Variants in CDH23 observed in about 807,000 individuals in gnomAD.
The protein encoded by CDH23 is cadherin related 23.
Under a neutral mutation model 317.1 loss-of-function variants are expected in CDH23, and 189 were observed. The observed-to-expected ratio is 0.60, with a 90% CI of 0.53 to 0.67. The LOEUF (loss-of-function observed/expected upper bound fraction) is 0.67. CDH23 is among the 30% of genes least tolerant of loss of function. The pLI, the probability that CDH23 is intolerant of heterozygous loss-of-function variation, is 0.00. For missense variants in CDH23, 4,401 were observed against 4,592.4 expected, an observed-to-expected ratio of 0.96 and a Z score of 1.20; for synonymous variants, 1,839 against 1,876.8, an observed-to-expected ratio of 0.98 and a Z score of 0.52.
chr10:71,784,163 C>A, intron 41 of CDH23, 124 bp from the exon 42 acceptor site: 1 of 1,020,062 alleles, frequency 9.8e-7, no homozygotes, highest in Non-Finnish European at 1.4e-6. Context: ...ACTGGAGGAC[C>A]CGGGCCCCAG....
intron 52 of CDH23, among the ~76,000 whole-genome samples, chr10:71,799,935 G>T (rs1841511982): frequency 6.6e-6 from 1 of 152,220 alleles, no homozygotes; most frequent in Non-Finnish European, 1.5e-5. Flanking sequence ...AGTCCATGGG[G>T]CTTCTTTTTG....
chr10:71,441,844 C>T (rs914937021), intron 2 of CDH23, among the ~76,000 whole-genome samples: 4 of 152,186 alleles, frequency 2.6e-5, no homozygotes, highest in African/African-American at 7.2e-5. Context: ...AAAGATGCTT[C>T]GTGCATTCAG....
At chr10:71,705,664 T>A (rs1865759929) in intron 25 of CDH23, among the ~76,000 whole-genome samples, 1 of 152,242 alleles carries the variant, frequency 6.6e-6, no homozygotes, top group South Asian at 2.1e-4. Context: ...TCATTCCCAG[T>A]GTCTCTGCCC....
At chr10:71,595,935 T>C (rs899816102) in intron 9 of CDH23, among the ~76,000 whole-genome samples, 6 of 152,212 alleles carry the variant, frequency 3.9e-5, no homozygotes, top group Non-Finnish European at 7.3e-5. Flanking sequence ...CTTCTCTTTC[T>C]CTTACCTCTC....
chr10:71,797,458 A>G (rs533779833), intron 49 of CDH23, among the ~76,000 whole-genome samples: 22 of 152,162 alleles, frequency 1.4e-4, no homozygotes, highest in African/African-American at 5.3e-4. Flanking sequence ...ATTGTGTGTG[A>G]TCTGAACCCC....
intron 30 of CDH23, among the ~76,000 whole-genome samples, chr10:71,728,634 T>C (rs1866920108): frequency 1.3e-5 from 2 of 152,152 alleles, no homozygotes; most frequent in Non-Finnish European, 2.9e-5. Flanking sequence ...ACATGCAAAG[T>C]CTGTATGGGG....
At chr10:71,401,983 A>G (rs1197295818) in intron 1 of CDH23, among the ~76,000 whole-genome samples, 1 of 152,218 alleles carries the variant, frequency 6.6e-6, no homozygotes, top group African/African-American at 2.4e-5. Flanking sequence ...CTCATTGACG[A>G]GAAAGGTGTC....
intron 6 of CDH23, among the ~76,000 whole-genome samples, chr10:71,529,950 C>T (rs1385331759): frequency 5.9e-5 from 9 of 151,944 alleles, no homozygotes; most frequent in Non-Finnish European, 1.5e-5. Context: ...CCCCAGCCTG[C>T]AGCTTACCCC....
rs1041158603 is a variant in CDH23 at position 71,811,984 on chromosome 10, A to G, written c.9349A>G (p.Met3117Val). The change falls in exon 66 of 70, where the codon ATG becomes GTG. Residue 3117 changes from methionine to valine, a missense_variant. Met to Val is a conservative substitution (Grantham distance 21, BLOSUM62 1). This residue lies in a region of CDH23 where 1,144 missense variants were observed against 1,138.2 expected (regional missense o/e 1.01). Transcript: ENST00000224721. ...GNRGFIDIMD[M>V]PNTNKYSFDG... ...TCGTGGCTTCATCGACATCATGGAC[A>G]TGCCTAACACCAACAAGTACTCCTT... The G allele has an allele frequency of 1.2e-6, 2 of 1,612,270 alleles. No homozygotes were observed. The highest frequency in any genetic ancestry group is 2.7e-5 in the African/African-American group (2 of 74,448).
At chr10:71,655,739 T>G (rs1211143580) in intron 14 of CDH23, among the ~76,000 whole-genome samples, 1 of 151,966 alleles carries the variant, frequency 6.6e-6, no homozygotes, top group Admixed American at 6.6e-5. Flanking sequence ...CTGGGGTATC[T>G]AGGACAGTTG....
At chr10:71,705,523 A>T (rs1865753979) in intron 25 of CDH23, among the ~76,000 whole-genome samples, 1 of 152,034 alleles carries the variant, frequency 6.6e-6, no homozygotes, top group Non-Finnish European at 1.5e-5. Flanking sequence ...TGTTTGGGAG[A>T]CATAAAGGAG....
chr10:71,761,267 C>T (rs1840376651), intron 38 of CDH23, among the ~76,000 whole-genome samples: 1 of 152,224 alleles, frequency 6.6e-6, no homozygotes, highest in African/African-American at 2.4e-5. Context: ...CCCCAGGGCA[C>T]CAATCAGTCC....
rs962497126 is a variant in CDH23, at chr10:71,627,601, C to T, written c.1134+10208C>T. The stretch of plus-strand genomic sequence containing the variant: ...TGTGAGGCAGGGCCTGTGTGGCAGC[C>T]GCGGTACCAGTGCCCACCCCTCACC... On this transcript the variant is annotated intron_variant, in intron 11 of 69. Transcript: ENST00000224721. Among the ~76,000 whole-genome samples the T allele has an allele frequency of 7.2e-5, 11 of 152,300 alleles. No homozygotes were observed. In the East Asian group the frequency reaches 1.2e-3, roughly 16 times the overall value.
intron 1 of CDH23, among the ~76,000 whole-genome samples, chr10:71,420,470 GTGA>G (rs199927813): frequency 4.5e-4 from 15 of 33,046 alleles, no homozygotes; most frequent in African/African-American, 1.3e-3. Context: ...AATGATGATG[GTGA>G]TGATGATGGT....
At chr10:71,436,628 G>A (rs1348182894) in intron 1 of CDH23, among the ~76,000 whole-genome samples, 3 of 152,202 alleles carry the variant, frequency 2.0e-5, no homozygotes, top group Non-Finnish European at 4.4e-5. Flanking sequence ...AAGTGTTTTG[G>A]AAGATTGAAT....
At chr10:71,539,722 T>C (rs1352431596) in intron 6 of CDH23, among the ~76,000 whole-genome samples, 3 of 151,754 alleles carry the variant, frequency 2.0e-5, no homozygotes. Context: ...CTTTCCTCTC[T>C]CCCTTCTCTC....
At chr10:71,633,398 T>A (rs1350575271) in intron 11 of CDH23, among the ~76,000 whole-genome samples, 3 of 152,152 alleles carry the variant, frequency 2.0e-5, no homozygotes, top group East Asian at 1.9e-4. Context: ...ATAGCAACTA[T>A]GCGGCCAATA....
chr10:71,786,486 C>CTGT (rs1403374813), intron 44 of CDH23, among the ~76,000 whole-genome samples: 2 of 115,024 alleles, frequency 1.7e-5, no homozygotes, highest in Non-Finnish European at 3.5e-5. Context: ...CTGCTTCCTA[C>CTGT]TCTTTTTTTT....
chr10:71,738,381 G>A, intron 34 of CDH23, 117 bp from the exon 35 acceptor site: 1 of 1,206,284 alleles, frequency 8.3e-7, no homozygotes. Context: ...CTGAGGGTTT[G>A]CTGATGTTCC....
Sources: gnomAD v4.1 joint callset for allele counts (sites outside exome capture counted in the v4.1 genomes callset) on GRCh38, gnomAD v4.1.1 for gene constraint, gnomAD v4.1.1 regional missense constraint, MANE v1.5 for transcripts, NCBI Gene and HGNC (gene_info 2026-07-23, HGNC 2026-07-21) for gene names.